The following AASS variants were observed in gnomAD, a reference collection of about 807,000 sequenced individuals.
The protein encoded by AASS is aminoadipate-semialdehyde synthase, also known as alpha-aminoadipic semialdehyde synthase, mitochondrial.
AASS carries 86 observed loss-of-function variants against 105.4 expected under a neutral mutation model. The observed-to-expected ratio is 0.82, with a 90% CI of 0.69 to 0.98. The LOEUF is 0.98. Among genes scored for constraint, AASS ranks in the 50% least tolerant of loss-of-function variants. AASS has a pLI of 0.00. For synonymous variants in AASS, 381 were observed against 394.8 expected, an observed-to-expected ratio of 0.96 and a Z score of 0.41; for missense variants, 1,048 against 1,143.2, an observed-to-expected ratio of 0.92 and a Z score of 1.20.
At chr7:122,106,420 G>A (rs962993081) in intron 11 of AASS, among the ~76,000 whole-genome samples, 1 of 151,836 alleles carries the variant, frequency 6.6e-6, no homozygotes, top group African/African-American at 2.4e-5. Flanking sequence ...AAATTCATAT[G>A]GAACCAAAAA....
At chr7:122,143,906 C>G (rs191685833) in intron 1 of AASS, among the ~76,000 whole-genome samples, 2 of 152,226 alleles carry the variant, frequency 1.3e-5, no homozygotes, top group Admixed American at 1.3e-4. Flanking sequence ...TGACCGCTCT[C>G]CCTCCCTTCC....
At chr7:122,079,238 G>A in intron 21 of AASS, 1 of 1,365,784 alleles carries the variant, frequency 7.3e-7, no homozygotes, top group South Asian at 1.5e-5. Context: ...TTATAGGTTA[G>A]TTCTCCAACA....
chr7:122,103,080 G>C (rs972222248), intron 11 of AASS, among the ~76,000 whole-genome samples: 1 of 151,992 alleles, frequency 6.6e-6, no homozygotes, highest in Non-Finnish European at 1.5e-5. Context: ...AAAATAACAT[G>C]TTTCAAGCCT....
intron 8 of AASS, among the ~76,000 whole-genome samples, chr7:122,115,636 G>A (rs940981048): frequency 3.3e-5 from 5 of 152,040 alleles, no homozygotes; most frequent in African/African-American, 4.8e-5. Flanking sequence ...GGGATAATAC[G>A]CACCCCATTC....
rs1796041669 is a variant in AASS at position 122,134,225 on chromosome 7, C to T, written c.-15-484G>A. ...CTGACCATTCCCAAAACAAGTGTTTCTCAGTGTGCCCTAGTGTCAGTCAGT... is the reference window on the plus strand; with the variant it reads ...CTGACCATTCCCAAAACAAGTGTTTTTCAGTGTGCCCTAGTGTCAGTCAGT... On this transcript the variant is annotated intron_variant, in intron 1 of 23. Coordinates refer to ENST00000417368, the MANE Select transcript of AASS (RefSeq NM_005763.4). Among the ~76,000 whole-genome samples, 3 of 152,266 alleles carry T rather than the reference C, an allele frequency of 2.0e-5. No homozygotes were observed. The South Asian group carries it at 6.2e-4, about 32-fold the overall frequency.
At chr7:122,101,992 C>T (rs1452788935) in intron 11 of AASS, among the ~76,000 whole-genome samples, 1 of 151,832 alleles carries the variant, frequency 6.6e-6, no homozygotes, top group Non-Finnish European at 1.5e-5. Flanking sequence ...AGCATGTTGT[C>T]AAATATCTTC....
In AASS at chr7:122,117,086, A is replaced by G. The variant is rs1795218300; in HGVS notation, c.688-129T>C. ...TTGCCTTCCCTACAACCAGGACTGC[A>G]ACACAGAAATACAGATGAGTTGCTT... is the stretch of plus-strand genomic sequence containing the variant. On this transcript the variant is annotated intron_variant, in intron 6 of 23. Coordinates refer to ENST00000417368, the MANE Select transcript of AASS (RefSeq NM_005763.4). The G allele has an allele frequency of 4.9e-6, 4 of 820,088 alleles. No homozygotes were observed. In the Admixed American group the frequency reaches 7.9e-5, roughly 16 times the overall value. The allele number at this position is 820,088 out of a possible 1,614,324, so 50.8% of individuals were successfully genotyped here. A position where few individuals can be genotyped will look rare whatever the true frequency, so the allele number is the denominator to read the frequency against.
intron 3 of AASS, 88 bp from the exon 4 acceptor site, chr7:122,126,547 A>G (rs1584889294): frequency 4.4e-6 from 5 of 1,124,176 alleles, no homozygotes; most frequent in East Asian, 2.4e-5. Context: ...AATATTTCAC[A>G]TTTTTTCCTC....
intron 1 of AASS, 53 bp downstream of exon 1, chr7:122,144,108 G>A (rs913523240): frequency 6.6e-6 from 1 of 152,330 alleles, no homozygotes; most frequent in African/African-American, 2.4e-5. Flanking sequence ...CTCACAGGCT[G>A]AGCCCACCCG....
At chr7:122,101,791 A>G (rs1794444615) in intron 11 of AASS, 111 bp from the exon 12 acceptor site, 1 of 849,054 alleles carries the variant, frequency 1.2e-6, no homozygotes. Context: ...TTTAAGAAAC[A>G]GTTTTCTGAG....
At position 122,133,685 on chromosome 7, in the gene AASS, G is replaced by A. The variant is rs751114524; in HGVS notation, c.42C>T (p.Val14=). 1.9e-6 allele frequency: 3 copies of A among 1,614,142 alleles called. No homozygotes were observed. Among genetic ancestry groups the A allele is most frequent in the South Asian group, 1.1e-5 (1 of 91,080 alleles). Residue 14 remains valine, a synonymous_variant, in exon 2 of 24, where the codon GTC becomes GTT. Transcript: ENST00000417368. ...VHRTGLGRLG[V]SLSKGLHHKA... ...TGTGGTGAAGACCCTTGGAGAGGCT[G>A]ACCCCCAGCCTGCCCAGTCCAGTCC... is the stretch of plus-strand genomic sequence containing the variant.
In AASS at chr7:122,117,165, G is replaced by A. The variant is rs180854509; in HGVS notation, c.688-208C>T. ...CCTGTTAGAACAGCACACTTAGAAA[G>A]GGCTTTAATTTTTTTCTTTTTTACT... On this transcript the variant is annotated intron_variant, in intron 6 of 23. Transcript: ENST00000417368. Among the ~76,000 whole-genome samples the A allele has an allele frequency of 1.5e-3, 221 of 152,206 alleles. 1 individual carries two copies. The highest frequency in any genetic ancestry group is 5.1e-3 in the African/African-American group (210 of 41,518).
intron 12 of AASS, 69 bp from the exon 13 acceptor site, chr7:122,101,507 C>T: frequency 6.7e-7 from 1 of 1,497,136 alleles, no homozygotes; most frequent in Non-Finnish European, 9.3e-7. Flanking sequence ...GGTGTCATGA[C>T]TGATAGAGAA....
At chr7:122,088,852 A>T (rs1045305468) in intron 18 of AASS, among the ~76,000 whole-genome samples, 4 of 152,092 alleles carry the variant, frequency 2.6e-5, no homozygotes, top group African/African-American at 9.7e-5. Flanking sequence ...AAAAAAGTAC[A>T]CCACCACTGT....
intron 18 of AASS, among the ~76,000 whole-genome samples, chr7:122,088,057 T>C (rs1793712021): frequency 6.6e-6 from 1 of 152,176 alleles, no homozygotes; most frequent in Non-Finnish European, 1.5e-5. Flanking sequence ...CAACAATAAG[T>C]TCTTTCTTGT....
Position 122,092,953 on chromosome 7 carries a change from T to A in AASS, c.1767-2A>T. 1 of 1,613,098 alleles carries A rather than the reference T, an allele frequency of 6.2e-7. No individual in the cohort carries two copies. The highest frequency in any genetic ancestry group is 8.5e-7 in the Non-Finnish European group (1 of 1,179,176). On this transcript the variant is annotated splice_acceptor_variant, in intron 16 of 23. Coordinates refer to ENST00000417368, the MANE Select transcript of AASS (RefSeq NM_005763.4). LOFTEE classifies it high-confidence loss of function. Reference sequence around the variant, plus strand: ...ATTGTGATGCCAGCATCTTCCACACTGCAGCAGGTGGAAAGAGGAAAAAGG... The same window carrying A: ...ATTGTGATGCCAGCATCTTCCACACAGCAGCAGGTGGAAAGAGGAAAAAGG...
chr7:122,127,913 G>A (rs1280224536), intron 3 of AASS, among the ~76,000 whole-genome samples: 1 of 152,098 alleles, frequency 6.6e-6, no homozygotes, highest in East Asian at 1.9e-4. Context: ...AGCCCTCTTA[G>A]ATTATCCCTT....
chr7:122,093,421 T>C (rs942132722), intron 15 of AASS, among the ~76,000 whole-genome samples: 14 of 152,130 alleles, frequency 9.2e-5, no homozygotes, highest in Non-Finnish European at 1.5e-5. Context: ...CAAAGGAAAA[T>C]AGATTATTCT....
chr7:122,133,809 T>G, intron 1 of AASS, 68 bp from the exon 2 acceptor site: 1 of 1,310,834 alleles, frequency 7.6e-7, no homozygotes. Context: ...TCTGGTCTCC[T>G]GAGAAATCTG....
Sources: gnomAD v4.1 joint callset for allele counts (sites outside exome capture counted in the v4.1 genomes callset) on GRCh38, gnomAD v4.1.1 for gene constraint, MANE v1.5 for transcripts, NCBI Gene and HGNC (gene_info 2026-07-23, HGNC 2026-07-21) for gene names.